The following SASH1 variants were observed in gnomAD, a reference collection of about 807,000 sequenced individuals.
SASH1 encodes the protein SAM and SH3 domain-containing protein 1.
In SASH1, 44 loss-of-function variants were observed where a neutral mutation model predicts 125.2. The ratio of observed to expected loss-of-function variants is 0.35; its 90% CI spans 0.28 to 0.45. The LOEUF is 0.45. Among genes scored for constraint, SASH1 ranks in the 20% least tolerant of loss-of-function variants. SASH1 has a pLI of 1.00. For missense variants in SASH1, 1,426 were observed against 1,614.5 expected (o/e 0.88, Z 2.00); for synonymous variants, 639 against 649.1 (o/e 0.98, Z 0.24).
intron 1 of SASH1, among the ~76,000 whole-genome samples, chr6:148,361,511 A>G (rs1782202915): frequency 6.6e-6 from 1 of 152,002 alleles, no homozygotes; most frequent in Non-Finnish European, 1.5e-5. Flanking sequence ...CCGAGGCCGG[A>G]GAATCGCTTG....
intron 7 of SASH1, among the ~76,000 whole-genome samples, chr6:148,478,320 T>C (rs112648077): frequency 0.013 from 1,971 of 152,246 alleles, 32 homozygotes; most frequent in African/African-American, 0.043. Flanking sequence ...GTGGTACATA[T>C]ACACGGTGGA....
At position 148,322,993 on chromosome 6, in the gene SASH1, C is replaced by T. The variant is rs554127451; in HGVS notation, n.74+50616C>T. Among the ~76,000 whole-genome samples, 526 of 133,926 alleles carry T rather than the reference C, an allele frequency of 3.9e-3. 2 individuals carry two copies. Among genetic ancestry groups the T allele is most frequent in the Non-Finnish European group, 6.2e-3 (388 of 62,422 alleles). 87.9% of individuals were successfully genotyped at this position (133,926 alleles called of 152,430 possible). ...TACTTCCCTCCCTCCCTTTCTCTTT[C>T]TCTCTCTCTCTCTTTCTTTCTTCTT... On this transcript the variant is annotated intron_variant and non_coding_transcript_variant, in intron 1 of 3. Transcript: ENST00000367469.
At chr6:148,547,937 C>T (rs1039015765) in intron 19 of SASH1, among the ~76,000 whole-genome samples, 2 of 152,332 alleles carry the variant, frequency 1.3e-5, no homozygotes, top group African/African-American at 2.4e-5. Flanking sequence ...ACATTTCACA[C>T]GATCACCCAG....
At chr6:148,525,499 A>C in intron 11 of SASH1, 134 bp downstream of exon 11, 1 of 746,444 alleles carries the variant, frequency 1.3e-6, no homozygotes, top group Non-Finnish European at 2.3e-6. Flanking sequence ...TTTGGAAAAA[A>C]GCTCTATTTC....
the SASH1 span, among the ~76,000 whole-genome samples, chr6:148,207,605 G>A: frequency 8.5e-5 from 13 of 152,260 alleles, no homozygotes; most frequent in East Asian, 7.7e-4. Context: ...AAGAGAATAC[G>A]GGAGCCCCAT....
chr6:148,260,538 T>C, the SASH1 span, among the ~76,000 whole-genome samples: 3 of 151,358 alleles, frequency 2.0e-5, no homozygotes, highest in African/African-American at 7.3e-5. Flanking sequence ...CCCGGAAGTT[T>C]GAGACTGCAA....
chr6:148,237,887 T>A, the SASH1 span, among the ~76,000 whole-genome samples: 2 of 152,212 alleles, frequency 1.3e-5, no homozygotes, highest in Non-Finnish European at 2.9e-5. Flanking sequence ...TCCTTGCTGT[T>A]CCTGCTTTAT....
intron 4 of SASH1, among the ~76,000 whole-genome samples, chr6:148,459,258 G>T (rs1018111622): frequency 2.6e-5 from 4 of 152,134 alleles, no homozygotes; most frequent in Non-Finnish European, 5.9e-5. Context: ...GACCCACTGA[G>T]GGGTTTTTGG....
chr6:148,519,692 A>G lies in SASH1; in HGVS notation c.1008A>G (p.Pro336=). 1 of 1,614,112 alleles carries G rather than the reference A, an allele frequency of 6.2e-7. No individual in the cohort carries two copies. The highest frequency in any genetic ancestry group is 1.1e-5 in the South Asian group (1 of 91,072). ...ACTCAGACTCTCTCACCACGTCTCCATCCTCCAGCAGCCTGGACACCTGGG... is the reference window on the plus strand; with the variant it reads ...ACTCAGACTCTCTCACCACGTCTCCGTCCTCCAGCAGCCTGGACACCTGGG... The part of the protein sequence containing the change: ...EDDSDSLTTS[P]SSSSLDTWGA... The change falls in exon 10 of 20, where the codon CCA becomes CCG. Residue 336 remains proline (P), a synonymous_variant. Transcript: ENST00000367467. The surrounding 1 kb of genome is among the most constrained non-coding windows in gnomAD (Gnocchi z 4.8).
intron 1 of SASH1, among the ~76,000 whole-genome samples, chr6:148,292,744 G>C (rs1056444519): frequency 3.3e-5 from 5 of 152,102 alleles, no homozygotes; most frequent in African/African-American, 4.8e-5. Flanking sequence ...TCAATGCCAG[G>C]CTTTAAAAGG....
chr6:148,369,017 C>T (rs1168394900), intron 1 of SASH1, among the ~76,000 whole-genome samples: 1 of 152,200 alleles, frequency 6.6e-6, no homozygotes, highest in African/African-American at 2.4e-5. Context: ...TTAGTAAATG[C>T]CTGCCTTGTG....
the SASH1 span, among the ~76,000 whole-genome samples, chr6:148,237,820 G>A: frequency 6.6e-6 from 1 of 152,182 alleles, no homozygotes; most frequent in African/African-American, 2.4e-5. Flanking sequence ...AGTTGAAAGA[G>A]CCTGAAAATA....
chr6:148,494,640 CA>C (rs1432411927), intron 8 of SASH1, among the ~76,000 whole-genome samples: 1 of 151,982 alleles, frequency 6.6e-6, no homozygotes. Flanking sequence ...AAACAAAAAA[CA>C]AAAACAAAAA....
intron 4 of SASH1, 100 bp from the exon 5 acceptor site, chr6:148,468,443 GTA>G: frequency 1.2e-6 from 1 of 821,612 alleles, no homozygotes; most frequent in Non-Finnish European, 2.0e-6. Context: ...TTCCCTGGCT[GTA>G]TTAAGTAGTA....
chr6:148,521,912 T>G (rs537509707), intron 10 of SASH1, among the ~76,000 whole-genome samples: 1 of 152,360 alleles, frequency 6.6e-6, no homozygotes, highest in African/African-American at 2.4e-5. Flanking sequence ...TTTCCCAATC[T>G]GAGCACCTTG....
intron 8 of SASH1, among the ~76,000 whole-genome samples, chr6:148,491,603 A>G (rs1025978375): frequency 6.6e-6 from 1 of 152,176 alleles, no homozygotes; most frequent in Non-Finnish European, 1.5e-5. Context: ...CCTTAAGAGC[A>G]TGTTTTATGT....
rs147606665 is a variant in SASH1 at position 148,301,696 on chromosome 6, C to T, written n.74+29319C>T. Among the ~76,000 whole-genome samples, 528 of 151,812 alleles carry T rather than the reference C, an allele frequency of 3.5e-3. 4 individuals are homozygous for T. In the Middle Eastern group the frequency reaches 0.054, roughly 16 times the overall value. On this transcript the variant is annotated intron_variant and non_coding_transcript_variant, in intron 1 of 3. Transcript: ENST00000367469. ...CAGGCTGAAGCATTCCTTTCACCTC[C>T]GTCCCCCAAGTAGCTGGGACTACAG...
chr6:148,485,016 G>A (rs1026911000), intron 7 of SASH1, among the ~76,000 whole-genome samples: 28 of 152,092 alleles, frequency 1.8e-4, no homozygotes, highest in African/African-American at 6.5e-4. Flanking sequence ...TTTCAGAAGA[G>A]CACACATAGT....
intron 1 of SASH1, among the ~76,000 whole-genome samples, chr6:148,289,134 A>G (rs1172969868): frequency 6.6e-6 from 1 of 152,044 alleles, no homozygotes. Flanking sequence ...TTTCTTTTTT[A>G]CTGTGTAAAA....
Sources: gnomAD v4.1 joint callset for allele counts (sites outside exome capture counted in the v4.1 genomes callset) on GRCh38, gnomAD v4.1.1 for gene constraint, Gnocchi (gnomAD v3.1) non-coding constraint, MANE v1.5 for transcripts, NCBI Gene and HGNC (gene_info 2026-07-23, HGNC 2026-07-21) for gene names.